Variants in VWA5B1 observed in about 807,000 individuals in gnomAD.
VWA5B1 encodes von Willebrand factor A domain containing 5B1.
Under a neutral mutation model 118.2 loss-of-function variants are expected in VWA5B1, and 115 were observed. That is an observed-to-expected ratio of 0.97 (90% CI 0.84 to 1.14). VWA5B1 has a LOEUF of 1.14. VWA5B1 is among the 50% of genes most tolerant of loss of function. VWA5B1 has a pLI of 0.00. For synonymous variants in VWA5B1, 682 were observed against 658.4 expected (o/e 1.04, Z -0.55); for missense variants, 1,596 against 1,603.8 (o/e 1.00, Z 0.08).
intron 7 of VWA5B1, 114 bp downstream of exon 7, chr1:20,319,620 G>A (rs2089143856): frequency 2.8e-6 from 4 of 1,442,050 alleles, no homozygotes; most frequent in East Asian, 2.5e-5. Flanking sequence ...CATCCAGCAA[G>A]CTGGAGGCAG....
chr1:20,323,174 G>A, intron 7 of VWA5B1, 182 bp from the exon 8 acceptor site: 3 of 459,064 alleles, frequency 6.5e-6, no homozygotes, highest in Non-Finnish European at 1.1e-5. Context: ...CAAAGTCCAT[G>A]CTTGCTGTTG....
chr1:20,317,905 C>T (rs967761241), intron 5 of VWA5B1, among the ~76,000 whole-genome samples: 2 of 151,796 alleles, frequency 1.3e-5, no homozygotes, highest in Admixed American at 6.6e-5. Context: ...GTGGCTTCCT[C>T]GGAAGAATGT....
intron 17 of VWA5B1, among the ~76,000 whole-genome samples, chr1:20,347,778 TCA>T (rs1307607440): frequency 6.6e-6 from 1 of 152,070 alleles, no homozygotes; most frequent in Non-Finnish European, 1.5e-5. Context: ...TGCTGTAACT[TCA>T]TCTCTTTTCC....
At chr1:20,323,680 T>A in intron 8 of VWA5B1, 148 bp downstream of exon 8, 1 of 877,376 alleles carries the variant, frequency 1.1e-6, no homozygotes, top group Non-Finnish European at 1.6e-6. Flanking sequence ...TCCATTTGCA[T>A]CCCCATAAAA....
At chr1:20,350,781 G>C (rs2090113106) in intron 19 of VWA5B1, 76 bp from the exon 20 acceptor site, 1 of 1,411,200 alleles carries the variant, frequency 7.1e-7, no homozygotes, top group South Asian at 1.2e-5. Flanking sequence ...CTAGGCCTCT[G>C]TTCCCCCAGT....
intron 17 of VWA5B1, 55 bp from the exon 18 acceptor site, chr1:20,348,190 C>T: frequency 1.3e-6 from 2 of 1,482,004 alleles, no homozygotes; most frequent in African/African-American, 1.4e-5. Context: ...GGGGGAAAGG[C>T]AAAGGACTGG....
intron 15 of VWA5B1, 82 bp downstream of exon 15, chr1:20,342,691 G>C: frequency 7.1e-7 from 1 of 1,416,566 alleles, no homozygotes; most frequent in East Asian, 2.6e-5. Flanking sequence ...GACAGGCCCA[G>C]AGGGCAGATG....
At chr1:20,344,596 G>A (rs1254081162) in intron 16 of VWA5B1, among the ~76,000 whole-genome samples, 1 of 152,164 alleles carries the variant, frequency 6.6e-6, no homozygotes, top group African/African-American at 2.4e-5. Context: ...CAGGGACGGT[G>A]GGGGAGCTAA....
intron 10 of VWA5B1, among the ~76,000 whole-genome samples, 193 bp from the exon 11 acceptor site, chr1:20,330,676 A>G (rs1029823523): frequency 6.6e-6 from 1 of 152,112 alleles, no homozygotes; most frequent in African/African-American, 2.4e-5. Context: ...GAATTAATGG[A>G]CTGTCTGTGG....
At chr1:20,329,280 C>CT (rs2089474281) in intron 9 of VWA5B1, among the ~76,000 whole-genome samples, 4 of 92,458 alleles carry the variant, frequency 4.3e-5, no homozygotes, top group South Asian at 3.8e-4. Context: ...TTTCTTTTTT[C>CT]TTTTCCCTTT....
chr1:20,311,380 G>A (rs2088843859), intron 2 of VWA5B1, among the ~76,000 whole-genome samples: 1 of 152,186 alleles, frequency 6.6e-6, no homozygotes, highest in Non-Finnish European at 1.5e-5. Flanking sequence ...TCAAAGCCAG[G>A]AGCCTCCACT....
Position 20,348,305 on chromosome 1 carries a change from C to G in VWA5B1, c.2825C>G (p.Ser942Cys). The change falls in exon 18 of 22, where the codon TCT (serine) becomes TGT (cysteine). Residue 942 changes from serine (S) to cysteine (C), a missense_variant. Ser to Cys is a moderately radical substitution (Grantham distance 112). Transcript: ENST00000289815. ...GCCCAACAGTGGAGGGGCACCTCTT[C>G]TGGCTTTGGAAGGCCGCAGACGATG... ...ALAQQWRGTS[S>C]GFGRPQTMLG... 2 of 1,551,680 alleles carry G rather than the reference C, an allele frequency of 1.3e-6. No homozygotes were observed. The highest frequency in any genetic ancestry group is 1.7e-6 in the Non-Finnish European group (2 of 1,147,014).
chr1:20,351,756 A>G (rs1486798755), intron 20 of VWA5B1, among the ~76,000 whole-genome samples: 1 of 152,164 alleles, frequency 6.6e-6, no homozygotes, highest in Non-Finnish European at 1.5e-5. Context: ...AGGCTGCAGT[A>G]AGCTACGATT....
At chr1:20,310,497 G>T in intron 1 of VWA5B1, 79 bp from the exon 2 acceptor site, 2 of 1,323,432 alleles carry the variant, frequency 1.5e-6, no homozygotes, top group Middle Eastern at 3.9e-4. Flanking sequence ...ATTGCTTGAG[G>T]GTGTCTGAAA....
chr1:20,347,834 C>T (rs1482696730), intron 17 of VWA5B1, among the ~76,000 whole-genome samples: 1 of 152,016 alleles, frequency 6.6e-6, no homozygotes, highest in Non-Finnish European at 1.5e-5. Flanking sequence ...AGGGGCCTGC[C>T]CTGTGGGAGG....
rs1314149493 is a variant in VWA5B1, at chr1:20,353,935, C to T, written c.3320C>T (p.Pro1107Leu). Residue 1107 changes from proline (P) to leucine (L), a missense_variant, in exon 22 of 22, where the codon CCT (proline) becomes CTT (leucine). By Grantham distance (98) the Pro-to-Leu change is moderately conservative. Transcript: ENST00000289815. ...PSPQLCTSSP[P>L]RHPSCDSFSL... ...CCCCAGCTGTGCACCAGCTCCCCGC[C>T]TAGGCACCCGTCCTGTGACAGCTTC... The T allele has an allele frequency of 1.3e-6, 2 of 1,550,474 alleles. No homozygotes were observed.
chr1:20,350,265 A>G, intron 19 of VWA5B1, 35 bp downstream of exon 19: 1 of 1,549,664 alleles, frequency 6.5e-7, no homozygotes, highest in African/African-American at 1.4e-5. Flanking sequence ...CTTCATCAAG[A>G]TGGTGACAGG....
At chr1:20,332,085 T>C (rs1355049548) in intron 11 of VWA5B1, among the ~76,000 whole-genome samples, 1 of 152,138 alleles carries the variant, frequency 6.6e-6, no homozygotes, top group Non-Finnish European at 1.5e-5. Flanking sequence ...GGTAAATAAA[T>C]TTGCTCAAGA....
intron 8 of VWA5B1, among the ~76,000 whole-genome samples, chr1:20,327,245 C>T (rs2089413756): frequency 6.6e-6 from 1 of 152,144 alleles, no homozygotes; most frequent in African/African-American, 2.4e-5. Context: ...CCTCTCTGTG[C>T]CTCAATCTTC....
Sources: gnomAD v4.1 joint callset for allele counts (sites outside exome capture counted in the v4.1 genomes callset) on GRCh38, gnomAD v4.1.1 for gene constraint, MANE v1.5 for transcripts, NCBI Gene and HGNC (gene_info 2026-07-23, HGNC 2026-07-21) for gene names.